SCARA3: variants seen among roughly 807,000 people sequenced by gnomAD.
The protein encoded by SCARA3 is scavenger receptor class A member 3.
Under a neutral mutation model 47.0 loss-of-function variants are expected in SCARA3, and 39 were observed. The observed-to-expected ratio is 0.83, with a 90% confidence interval of 0.64 to 1.08. The LOEUF (loss-of-function observed/expected upper bound fraction) is 1.08. Ranked by LOEUF, SCARA3 falls within the 50% of genes least tolerant of loss-of-function variation. The pLI, the probability that SCARA3 is intolerant of heterozygous loss-of-function variation, is 0.00. For synonymous variants in SCARA3, 356 were observed against 334.1 expected (o/e 1.07, Z -0.71); for missense variants, 724 against 792.3 (o/e 0.91, Z 1.04).
At chr8:27,715,854 A>G in the SCARA3 span, among the ~76,000 whole-genome samples, 7 of 62,400 alleles carry the variant, frequency 1.1e-4, no homozygotes, top group Non-Finnish European at 2.2e-4. This position sits in a 1 kb window ranked among gnomAD's most constrained non-coding sequence, Gnocchi z 4.2. Flanking sequence ...AGATAGATAG[A>G]TAGATAGATA....
chr8:27,712,697 A>G, the SCARA3 span, among the ~76,000 whole-genome samples: 1 of 152,132 alleles, frequency 6.6e-6, no homozygotes, highest in East Asian at 1.9e-4. Context: ...GAACATCTTG[A>G]TGGCTTCCAA....
In SCARA3 at chr8:27,651,693, G is replaced by T. The variant is rs550484461; in HGVS notation, c.226+66G>T. 246 of 1,589,402 alleles carry T rather than the reference G, an allele frequency of 1.5e-4. No homozygotes were observed. In the South Asian group the frequency reaches 2.3e-3, roughly 15 times the overall value. ...TCTGATCAGGGATCCAGCACCAAAA[G>T]TTCCCCTGCAAAGACAAACACTTGA... On this transcript the variant is annotated intron_variant, in intron 3 of 5. Coordinates refer to ENST00000301904, the MANE Select transcript of SCARA3 (RefSeq NM_016240.3).
intron 5 of SCARA3, among the ~76,000 whole-genome samples, chr8:27,660,466 G>C (rs1378834176): frequency 6.6e-6 from 1 of 150,508 alleles, no homozygotes; most frequent in Non-Finnish European, 1.5e-5. Flanking sequence ...AGTGTATAGA[G>C]ATAGATGATA....
the SCARA3 span, among the ~76,000 whole-genome samples, chr8:27,688,166 G>C: frequency 6.6e-6 from 1 of 152,152 alleles, no homozygotes; most frequent in African/African-American, 2.4e-5. Flanking sequence ...CCTGCATTTT[G>C]AGTATTCTAA....
the SCARA3 span, among the ~76,000 whole-genome samples, chr8:27,713,292 T>C: frequency 6.6e-6 from 1 of 152,252 alleles, no homozygotes; most frequent in South Asian, 2.1e-4. Context: ...GTTTTACATC[T>C]AGGGCAAGAA....
the SCARA3 span, among the ~76,000 whole-genome samples, chr8:27,688,930 A>G: frequency 6.6e-6 from 1 of 152,096 alleles, no homozygotes; most frequent in African/African-American, 2.4e-5. Context: ...ATACATGCGT[A>G]TGTTTTTGTT....
the SCARA3 span, among the ~76,000 whole-genome samples, chr8:27,720,238 G>A: frequency 7.0e-6 from 1 of 142,708 alleles, no homozygotes; most frequent in African/African-American, 2.5e-5. Flanking sequence ...AAGTCTGAGT[G>A]GCGAGGGGAG....
At chr8:27,721,300 T>C in the SCARA3 span, among the ~76,000 whole-genome samples, 1 of 152,234 alleles carries the variant, frequency 6.6e-6, no homozygotes, top group Non-Finnish European at 1.5e-5. Context: ...CTTTCAAAAA[T>C]TTTATTTACT....
At chr8:27,637,536 C>A (rs2128914076) in intron 1 of SCARA3, among the ~76,000 whole-genome samples, 1 of 152,204 alleles carries the variant, frequency 6.6e-6, no homozygotes, top group East Asian at 1.9e-4. Context: ...CCTGGGTGGT[C>A]CCTGAGGCCC....
the SCARA3 span, among the ~76,000 whole-genome samples, chr8:27,682,126 T>G: frequency 1.3e-5 from 2 of 152,178 alleles, no homozygotes; most frequent in Non-Finnish European, 2.9e-5. Context: ...CAGAGATGAA[T>G]TTAATAATAG....
chr8:27,674,562 T>C (rs1007714977), downstream of SCARA3, among the ~76,000 whole-genome samples: 1 of 152,110 alleles, frequency 6.6e-6, no homozygotes, highest in African/African-American at 2.4e-5. Context: ...TCTGGAACTT[T>C]CCAGGGCCAA....
chr8:27,706,121 G>T, the SCARA3 span, among the ~76,000 whole-genome samples: 2 of 152,184 alleles, frequency 1.3e-5, no homozygotes, highest in African/African-American at 2.4e-5. Flanking sequence ...GACTATGGAG[G>T]CCTTGTATAG....
intron 2 of SCARA3, among the ~76,000 whole-genome samples, chr8:27,650,939 G>A (rs1410323223): frequency 6.6e-6 from 1 of 152,050 alleles, no homozygotes; most frequent in Admixed American, 6.5e-5. Flanking sequence ...TGCCTTGGCT[G>A]GCCTCAAACT....
Position 27,658,618 on chromosome 8 carries a change from C to G in SCARA3, c.448C>G (p.Leu150Val). 1 of 1,614,140 alleles carries G rather than the reference C, an allele frequency of 6.2e-7. No individual in the cohort carries two copies. The highest frequency in any genetic ancestry group is 2.2e-5 in the East Asian group (1 of 44,874). ...GCTGCTTCTGGCCCAGGAGGTGCAG[C>G]TGGACCAGACCTTACAGGCCCAGGA... is the stretch of plus-strand genomic sequence containing the variant. The part of the protein sequence containing the change: ...QKLLLAQEVQ[L>V]DQTLQAQEVL... The change falls in exon 5 of 6, where the codon CTG (leucine) becomes GTG (valine). Residue 150 changes from leucine (L) to valine (V), a missense_variant. By Grantham distance (32) the Leu-to-Val change is conservative. Transcript: ENST00000301904.
chr8:27,683,594 C>T, the SCARA3 span, among the ~76,000 whole-genome samples: 2 of 152,274 alleles, frequency 1.3e-5, no homozygotes, highest in East Asian at 1.9e-4. Flanking sequence ...TGTTTGGCTT[C>T]TTATGAAGGT....
the SCARA3 span, among the ~76,000 whole-genome samples, chr8:27,688,997 C>T: frequency 1.3e-5 from 2 of 152,070 alleles, no homozygotes; most frequent in African/African-American, 4.8e-5. Context: ...CTGGGGAGCT[C>T]TGTGTTTAAA....
chr8:27,651,664 G>C (rs201845063), intron 3 of SCARA3, 37 bp downstream of exon 3: 6 of 1,609,478 alleles, frequency 3.7e-6, no homozygotes, highest in South Asian at 1.1e-5. Context: ...GCTGCAGGGG[G>C]GTGTCTGATC....
At chr8:27,678,210 A>T (rs962594444), downstream of SCARA3, among the ~76,000 whole-genome samples, 13 of 152,192 alleles carry the variant, frequency 8.5e-5, no homozygotes, top group Admixed American at 6.5e-4. Context: ...TTTAAAGAAA[A>T]TGCAAATAGA....
the SCARA3 span, among the ~76,000 whole-genome samples, chr8:27,721,094 C>G: frequency 1.3e-5 from 2 of 152,106 alleles, no homozygotes; most frequent in Non-Finnish European, 2.9e-5. Context: ...CCATCCATCC[C>G]TCCTTCCCTC....
Sources: allele counts gnomAD v4.1 joint callset (sites outside exome capture counted in the v4.1 genomes callset), GRCh38; gene constraint gnomAD v4.1.1; non-coding constraint Gnocchi (gnomAD v3.1); transcripts MANE v1.5; gene names NCBI Gene and HGNC (gene_info 2026-07-23, HGNC 2026-07-21).